The following ASPRV1 variants were observed in gnomAD, a reference collection of about 807,000 sequenced individuals.
ASPRV1 encodes retroviral-like aspartic protease 1.
Under a neutral mutation model 11.0 loss-of-function variants are expected in ASPRV1, and 7 were observed. The ratio of observed to expected loss-of-function variants is 0.64; its 90% CI spans 0.36 to 1.20. The LOEUF is 1.20. Ranked by LOEUF, ASPRV1 falls within the 50% of genes most tolerant of loss-of-function variation. ASPRV1 has a pLI of 0.02. For synonymous variants in ASPRV1, 136 were observed against 138.4 expected (o/e 0.98, Z 0.12); for missense variants, 299 against 320.0 (o/e 0.93, Z 0.50).
chr2:70,040,216 G>C, the ASPRV1 span, among the ~76,000 whole-genome samples: 1 of 152,048 alleles, frequency 6.6e-6, no homozygotes, highest in African/African-American at 2.4e-5. Flanking sequence ...TATAGAGGGA[G>C]TAGAGACAGT....
chr2:69,963,044 C>T, upstream of ASPRV1: 1 of 347,758 alleles, frequency 2.9e-6, no homozygotes, highest in Non-Finnish European at 5.7e-6. Context: ...CTATGCCATG[C>T]ATCACCCAGT....
At chr2:69,981,649 C>A in the ASPRV1 span, among the ~76,000 whole-genome samples, 1 of 152,140 alleles carries the variant, frequency 6.6e-6, no homozygotes, top group Non-Finnish European at 1.5e-5. Flanking sequence ...CTCCGCCTCC[C>A]GGGTTCGAGC....
the ASPRV1 span, among the ~76,000 whole-genome samples, chr2:69,974,214 G>T: frequency 1.3e-5 from 2 of 151,910 alleles, no homozygotes; most frequent in Non-Finnish European, 2.9e-5. Context: ...GTGCATGCCT[G>T]TTTTCCCAGC....
At chr2:70,087,168 G>A in the ASPRV1 span, 1 of 152,168 alleles carries the variant, frequency 6.6e-6, no homozygotes, top group African/African-American at 2.4e-5. Context: ...CCCTCATGTA[G>A]GGCAGGAAAA....
At chr2:69,986,626 C>G in the ASPRV1 span, among the ~76,000 whole-genome samples, 1 of 152,212 alleles carries the variant, frequency 6.6e-6, no homozygotes, top group Admixed American at 6.5e-5. Context: ...GTTCTGATAG[C>G]AGTACCAGCT....
upstream of ASPRV1, among the ~76,000 whole-genome samples, chr2:69,966,487 T>C (rs540921060): frequency 5.3e-5 from 8 of 152,290 alleles, no homozygotes; most frequent in East Asian, 1.5e-3. Context: ...CTCTTCAGGG[T>C]CCCCTCTGCT....
the ASPRV1 span, chr2:70,086,309 G>A: frequency 1.6e-3 from 249 of 152,362 alleles, no homozygotes; most frequent in African/African-American, 5.6e-3. Context: ...GTAAGGAACA[G>A]GGGAGGCGGA....
At chr2:69,957,097 T>C (rs114728727), downstream of ASPRV1, among the ~76,000 whole-genome samples, 1,458 of 152,276 alleles carry the variant, frequency 9.6e-3, 17 homozygotes, top group African/African-American at 0.033. Context: ...ATTGGAACCA[T>C]TGGAGTAAGA....
At chr2:69,976,049 A>T in the ASPRV1 span, 1 of 151,976 alleles carries the variant, frequency 6.6e-6, no homozygotes, top group African/African-American at 2.4e-5. Context: ...ACAGAGGGTC[A>T]AAACAGGCAA....
rs755538169 is a variant in ASPRV1, at chr2:69,961,403, G to C, written c.34C>G (p.Arg12Gly). The change falls in exon 1 of 1, where the codon CGC becomes GGC. Residue 12 changes from arginine to glycine, a missense_variant. Physicochemically the swap from Arg to Gly is moderately radical, Grantham distance 125. Coordinates refer to ENST00000320256, the MANE Select transcript of ASPRV1 (RefSeq NM_152792.4). ...AGSGARSEEG[R>G]RQHAFVPEPF... Reference sequence around the variant, plus strand: ...TCCGGGACGAAGGCATGCTGCCGGCGGCCTTCCTCACTCCTGGCTCCGCTC... The same window carrying C: ...TCCGGGACGAAGGCATGCTGCCGGCCGCCTTCCTCACTCCTGGCTCCGCTC... The C allele has an allele frequency of 2.5e-6, 4 of 1,613,928 alleles. No homozygotes were observed. In the Admixed American group the frequency reaches 6.7e-5, roughly 27 times the overall value.
At chr2:70,066,774 A>AT in the ASPRV1 span, among the ~76,000 whole-genome samples, 1 of 151,372 alleles carries the variant, frequency 6.6e-6, no homozygotes, top group Admixed American at 6.6e-5. Context: ...CTAATTTGTT[A>AT]TTTTTTGTAG....
At chr2:69,964,247 C>T (rs967601425), upstream of ASPRV1, 1 of 391,356 alleles carries the variant, frequency 2.6e-6, no homozygotes, top group African/African-American at 2.1e-5. Flanking sequence ...CCCATCCTTC[C>T]CCACAATCTT....
the ASPRV1 span, chr2:70,050,655 G>A: frequency 6.6e-6 from 1 of 152,106 alleles, no homozygotes; most frequent in African/African-American, 2.4e-5. Context: ...AAAATTATTG[G>A]AAAAAATGTG....
chr2:70,003,782 ATGTGGGG>A, the ASPRV1 span, among the ~76,000 whole-genome samples: 1 of 152,196 alleles, frequency 6.6e-6, no homozygotes, highest in Non-Finnish European at 1.5e-5. Flanking sequence ...AAGTGCTGGG[ATGTGGGG>A]CCTGAGAAGT....
chr2:69,965,488 CATA>C (rs1298313954), upstream of ASPRV1, among the ~76,000 whole-genome samples: 1 of 152,102 alleles, frequency 6.6e-6, no homozygotes, highest in East Asian at 1.9e-4. Flanking sequence ...CTCATAAACT[CATA>C]ATGTTTTAAG....
the ASPRV1 span, among the ~76,000 whole-genome samples, chr2:70,022,378 C>A: frequency 6.8e-6 from 1 of 146,530 alleles, no homozygotes; most frequent in Admixed American, 7.5e-5. Flanking sequence ...CACACACACA[C>A]ACACACACAC....
chr2:69,933,585 A>G, the ASPRV1 span, among the ~76,000 whole-genome samples: 1 of 152,154 alleles, frequency 6.6e-6, no homozygotes, highest in Non-Finnish European at 1.5e-5. Context: ...CAAGCCTTAG[A>G]GCACCCTTGG....
At chr2:70,023,799 ATTGT>A in the ASPRV1 span, among the ~76,000 whole-genome samples, 6 of 152,108 alleles carry the variant, frequency 3.9e-5, no homozygotes, top group Admixed American at 6.6e-5. Context: ...TCTTTTTATA[ATTGT>A]TTGTAAGTGA....
chr2:70,054,413 A>G, the ASPRV1 span, among the ~76,000 whole-genome samples: 1 of 151,224 alleles, frequency 6.6e-6, no homozygotes, highest in African/African-American at 2.4e-5. Flanking sequence ...GTCTCTACTA[A>G]AAATACACAC....
Sources: gnomAD v4.1 joint callset for allele counts (sites outside exome capture counted in the v4.1 genomes callset) on GRCh38, gnomAD v4.1.1 for gene constraint, MANE v1.5 for transcripts, NCBI Gene and HGNC (gene_info 2026-07-23, HGNC 2026-07-21) for gene names.